CYP51A1: variants seen among roughly 807,000 people sequenced by gnomAD.
The protein encoded by CYP51A1 is cytochrome P450 family 51 subfamily A member 1.
Under a neutral mutation model 53.5 loss-of-function variants are expected in CYP51A1, and 45 were observed. That is an observed-to-expected ratio of 0.84 (90% CI 0.66 to 1.08). The LOEUF (loss-of-function observed/expected upper bound fraction) is 1.08. CYP51A1 is among the 50% of genes least tolerant of loss of function. CYP51A1 has a pLI of 0.00. For missense variants in CYP51A1, 462 were observed against 621.7 expected (o/e 0.74, Z 2.73); for synonymous variants, 181 against 217.7 (o/e 0.83, Z 1.48).
At position 92,114,002 on chromosome 7, in the gene CYP51A1, A is replaced by G. The variant is rs551595265; in HGVS notation, c.1352-159T>C. ...CATAAAACAACATGAATTATTAAAA[A>G]TTCCAGGAGATTTTCAATACCACAT... On this transcript the variant is annotated intron_variant, in intron 9 of 9. Coordinates refer to ENST00000003100, the MANE Select transcript of CYP51A1 (RefSeq NM_000786.4). Among the ~76,000 whole-genome samples, 10 of 152,354 alleles carry G rather than the reference A, an allele frequency of 6.6e-5. No individual in the cohort carries two copies. In the East Asian group the frequency reaches 1.5e-3, roughly 23 times the overall value.
chr7:92,113,550 A>G lies in CYP51A1; in HGVS notation c.*115T>C. 2 of 956,250 alleles carry G rather than the reference A, an allele frequency of 2.1e-6. No homozygotes were observed. The highest frequency in any genetic ancestry group is 3.2e-6 in the Non-Finnish European group (2 of 632,758). 59.2% of individuals were successfully genotyped at this position (956,250 alleles called of 1,614,324 possible). A position where few individuals can be genotyped will look rare whatever the true frequency, so the allele number is the denominator to read the frequency against. ...CCTAAATCATAAACTGGCTTTTAGA[A>G]TTACACACTTAAAAAAACAGTAAAC... On this transcript the variant is annotated 3_prime_UTR_variant, in exon 10 of 10. Coordinates refer to ENST00000003100, the MANE Select transcript of CYP51A1 (RefSeq NM_000786.4).
chr7:92,123,932 C>A, intron 5 of CYP51A1, 79 bp from the exon 6 acceptor site: 1 of 1,251,686 alleles, frequency 8.0e-7, no homozygotes, highest in Admixed American at 2.7e-5. Flanking sequence ...AGAACCAGGA[C>A]CGAGCATAAA....
At chr7:92,127,719 C>A in intron 3 of CYP51A1, 88 bp from the exon 4 acceptor site, 2 of 1,314,842 alleles carry the variant, frequency 1.5e-6, no homozygotes, top group South Asian at 2.5e-5. Context: ...AATTATGTAA[C>A]ACTAACACAA....
intron 7 of CYP51A1, 49 bp from the exon 8 acceptor site, chr7:92,118,664 A>G (rs1819626518): frequency 1.8e-6 from 2 of 1,082,862 alleles, no homozygotes; most frequent in Non-Finnish European, 2.9e-6. Context: ...ATACTTCAAC[A>G]GTACAAAAAA....
Position 92,113,034 on chromosome 7 carries a change from C to A in CYP51A1, c.*631G>T, listed in dbSNP as rs57122389. 0.41 allele frequency: 62,737 copies of A among 151,802 alleles called. 13,458 individuals carry two copies. The highest frequency in any genetic ancestry group is 0.51 in the African/African-American group (21,237 of 41,374). 9.4% of individuals were successfully genotyped at this position (151,802 alleles called of 1,614,324 possible). A position where few individuals can be genotyped will look rare whatever the true frequency, so the allele number is the denominator to read the frequency against. ...TTAATAATTACATTATTTTTAGGAA[C>A]TCTTATCAAATATGGTCCTGGATCT... On this transcript the variant is annotated 3_prime_UTR_variant, in exon 10 of 10. Coordinates refer to ENST00000003100, the MANE Select transcript of CYP51A1 (RefSeq NM_000786.4).
At chr7:92,117,828 A>T (rs1819608142) in intron 8 of CYP51A1, among the ~76,000 whole-genome samples, 1 of 152,044 alleles carries the variant, frequency 6.6e-6, no homozygotes. Flanking sequence ...TCTCTACTAA[A>T]ATACAAAAAA....
chr7:92,117,379 T>C (rs972255161), intron 8 of CYP51A1, 167 bp from the exon 9 acceptor site: 7 of 549,918 alleles, frequency 1.3e-5, no homozygotes, highest in Admixed American at 3.5e-5. Flanking sequence ...AAATTATAAG[T>C]TGAATCACAT....
chr7:92,118,460 A>C (rs1383794143), intron 8 of CYP51A1, 60 bp downstream of exon 8: 1 of 939,590 alleles, frequency 1.1e-6, no homozygotes, highest in Non-Finnish European at 1.8e-6. Context: ...ACACCCACCT[A>C]TTTCTTCTTT....
At chr7:92,132,034 T>C (rs983871329) in intron 1 of CYP51A1, 162 bp from the exon 2 acceptor site, 23 of 591,880 alleles carry the variant, frequency 3.9e-5, no homozygotes, top group East Asian at 8.9e-5. Context: ...AACAGCCAAA[T>C]TGCAAATACC....
At chr7:92,114,237 T>G (rs1363001198) in intron 9 of CYP51A1, among the ~76,000 whole-genome samples, 1 of 152,106 alleles carries the variant, frequency 6.6e-6, no homozygotes, top group African/African-American at 2.4e-5. Flanking sequence ...ATTATAAATG[T>G]ATGGAAGAAA....
intron 2 of CYP51A1, among the ~76,000 whole-genome samples, chr7:92,129,945 T>C (rs1819884364): frequency 6.6e-6 from 1 of 152,006 alleles, no homozygotes; most frequent in Non-Finnish European, 1.5e-5. Context: ...AGTTGAGCAT[T>C]AGGCAGTGCT....
intron 7 of CYP51A1, among the ~76,000 whole-genome samples, chr7:92,119,714 CA>C: frequency 6.6e-6 from 1 of 152,010 alleles, no homozygotes; most frequent in South Asian, 2.1e-4. Flanking sequence ...AAAAAAATTA[CA>C]AAAAACACAC....
intron 7 of CYP51A1, among the ~76,000 whole-genome samples, chr7:92,121,614 C>T (rs1301564610): frequency 6.6e-6 from 1 of 152,162 alleles, no homozygotes; most frequent in Admixed American, 6.5e-5. Context: ...GTGGTCTATC[C>T]ATATAATGGA....
In CYP51A1 at chr7:92,127,555, T is replaced by A; in HGVS notation, c.545A>T (p.Glu182Val). The change falls in exon 4 of 10, where the codon GAA becomes GTA. Residue 182 changes from glutamate (E) to valine (V), a missense_variant. Physicochemically the swap from Glu to Val is moderately radical, Grantham distance 121. Coordinates refer to ENST00000003100, the MANE Select transcript of CYP51A1 (RefSeq NM_000786.4). ...AHFKQHVSIIEKETKEYFESW... is the reference protein window; with the variant it reads ...AHFKQHVSIIVKETKEYFESW... ...CTCAAAGTATTCCTTTGTTTCTTTT[T>A]CAATTATAGAAACATGCTGTTTAAA... The A allele has an allele frequency of 6.2e-7, 1 of 1,611,792 alleles. No individual in the cohort carries two copies. The highest frequency in any genetic ancestry group is 8.5e-7 in the Non-Finnish European group (1 of 1,178,734).
Position 92,134,180 on chromosome 7 carries a change from GC to G in CYP51A1, c.184del (p.Ala62GlnfsTer3). 1 of 1,611,814 alleles carries G rather than the reference GC, an allele frequency of 6.2e-7. No individual in the cohort carries two copies. The highest frequency in any genetic ancestry group is 8.5e-7 in the Non-Finnish European group (1 of 1,179,660). Reference protein sequence around the residue: ...LAAGHLVQLPAGVKSPPYIFS... With the variant: ...LAAGHLVQLPXGVKSPPYIFS... ...CCTAAAGAATGTACGTACCACCCCTGCGGGCAGCTGGACCAGGTGGCCGGCG... is the reference window on the plus strand; with the variant it reads ...CCTAAAGAATGTACGTACCACCCCTGGGGCAGCTGGACCAGGTGGCCGGCG... On this transcript the variant is annotated frameshift_variant, in exon 1 of 10. Coordinates refer to ENST00000003100, the MANE Select transcript of CYP51A1 (RefSeq NM_000786.4). LOFTEE classifies it high-confidence loss of function.
intron 2 of CYP51A1, among the ~76,000 whole-genome samples, chr7:92,130,004 T>C (rs1819885937): frequency 6.6e-6 from 1 of 152,122 alleles, no homozygotes; most frequent in East Asian, 1.9e-4. Context: ...TTTAAACGGG[T>C]GACAAGAATT....
chr7:92,126,540 A>T (rs1819804804), intron 4 of CYP51A1, 113 bp from the exon 5 acceptor site: 1 of 910,724 alleles, frequency 1.1e-6, no homozygotes, highest in South Asian at 1.9e-5. Flanking sequence ...CATCAAAAAA[A>T]GTCTGTAGAC....
chr7:92,130,779 C>A (rs1301051106), intron 2 of CYP51A1, among the ~76,000 whole-genome samples: 1 of 152,162 alleles, frequency 6.6e-6, no homozygotes, highest in African/African-American at 2.4e-5. Context: ...GAGAAAAAAT[C>A]ATCTGCTTTG....
intron 2 of CYP51A1, among the ~76,000 whole-genome samples, chr7:92,131,075 C>A (rs1819906847): frequency 6.6e-6 from 1 of 152,126 alleles, no homozygotes; most frequent in Admixed American, 6.5e-5. Context: ...ACAGAAACGA[C>A]ATGCCATGGA....
Sources: gnomAD v4.1 joint callset for allele counts (sites outside exome capture counted in the v4.1 genomes callset) on GRCh38, gnomAD v4.1.1 for gene constraint, MANE v1.5 for transcripts, NCBI Gene and HGNC (gene_info 2026-07-23, HGNC 2026-07-21) for gene names.